MPHOSPH10: variants seen among roughly 807,000 people sequenced by gnomAD.
MPHOSPH10 encodes U3 small nucleolar ribonucleoprotein MPP10.
MPHOSPH10 carries 33 observed loss-of-function variants against 77.3 expected under a neutral mutation model. The ratio of observed to expected loss-of-function variants is 0.43; its 90% CI spans 0.32 to 0.57. The LOEUF (loss-of-function observed/expected upper bound fraction) is 0.57, where lower values mean the gene tolerates loss of function less well. Among genes scored for constraint, MPHOSPH10 ranks in the 20% least tolerant of loss-of-function variants. The pLI is 0.07. For missense variants in MPHOSPH10, 708 were observed against 780.1 expected (o/e 0.91, Z 1.10); for synonymous variants, 245 against 268.0 (o/e 0.91, Z 0.84).
rs60456435 is a variant in MPHOSPH10, at chr2:71,136,848, C to CTTTTTTTTTTTTTTTTTTTTTT, written c.1099-1625_1099-1624insTTTTTTTTTTTTTTTTTTTTTT. On this transcript the variant is annotated intron_variant, in intron 4 of 10. Coordinates refer to ENST00000244230, the MANE Select transcript of MPHOSPH10 (RefSeq NM_005791.3). ...TAAAGAATAAAGTAGAACTTTCAAC[C>CTTTTTTTTTTTTTTTTTTTTTT]TTTTTTTTTTTTTTTTTGAAACTGT... Among the ~76,000 whole-genome samples, 3 of 118,644 alleles carry CTTTTTTTTTTTTTTTTTTTTTT rather than the reference C, an allele frequency of 2.5e-5. 1 individual carries two copies. Among genetic ancestry groups the CTTTTTTTTTTTTTTTTTTTTTT allele is most frequent in the African/African-American group, 9.7e-5 (3 of 30,850 alleles). The allele number at this position is 118,644 out of a possible 152,430, so 77.8% of individuals were successfully genotyped here.
Position 71,133,846 on chromosome 2 carries a change from C to G in MPHOSPH10, c.769-102C>G, listed in dbSNP as rs1421152191. ...TTATTAGCTTGTAGTGTTATTAAGT[C>G]AGAAAGTAATATATACATACAATAT... On this transcript the variant is annotated intron_variant, in intron 2 of 10. Coordinates refer to ENST00000244230, the MANE Select transcript of MPHOSPH10 (RefSeq NM_005791.3). 4.4e-6 allele frequency: 4 copies of G among 918,192 alleles called. No individual in the cohort carries two copies. The African/African-American group carries it at 6.8e-5, about 16-fold the overall frequency. 56.9% of individuals were successfully genotyped at this position (918,192 alleles called of 1,614,324 possible).
chr2:71,130,780 G>A, intron 1 of MPHOSPH10, 26 bp downstream of exon 1: 1 of 1,586,142 alleles, frequency 6.3e-7, no homozygotes, highest in Non-Finnish European at 8.6e-7. Flanking sequence ...CCGGGCTCGG[G>A]GTGCGACCGG....
At chr2:71,147,831 C>G (rs1572901994) in intron 8 of MPHOSPH10, among the ~76,000 whole-genome samples, 168 bp from the exon 9 acceptor site, 1 of 152,150 alleles carries the variant, frequency 6.6e-6, no homozygotes, top group East Asian at 1.9e-4. Flanking sequence ...CCATATCTAA[C>G]ATTTTAAATA....
rs368531188 is a variant in MPHOSPH10, at chr2:71,132,946, T to C, written c.138T>C (p.Leu46=). 1.9e-6 allele frequency: 3 copies of C among 1,613,388 alleles called. No homozygotes were observed. The highest frequency in any genetic ancestry group is 8.5e-7 in the Non-Finnish European group (1 of 1,179,712). Residue 46 remains leucine, a synonymous_variant, in exon 2 of 11, where the codon CTT becomes CTC. Coordinates refer to ENST00000244230, the MANE Select transcript of MPHOSPH10 (RefSeq NM_005791.3). The stretch of plus-strand genomic sequence containing the variant: ...AGTTCACTTCTTTAACAAAAGTGCT[T>C]TATGACTTTAATAAAATATTAGAGA... The part of the protein sequence containing the change: ...ASKFTSLTKV[L]YDFNKILENG...
Position 71,138,625 on chromosome 2 carries a change from C to G in MPHOSPH10, c.1234C>G (p.Arg412Gly). 6.2e-7 allele frequency: 1 copy of G among 1,614,102 alleles called. No homozygotes were observed. Among genetic ancestry groups the G allele is most frequent in the Non-Finnish European group, 8.5e-7 (1 of 1,180,010 alleles). The change falls in exon 5 of 11, where the codon CGG becomes GGG. Residue 412 changes from arginine (R) to glycine (G), a missense_variant. Around this residue, in one of 3 missense-constraint regions of MPHOSPH10, gnomAD observed 263 missense variants for 320.0 expected, o/e 0.82. Coordinates refer to ENST00000244230, the MANE Select transcript of MPHOSPH10 (RefSeq NM_005791.3). ...EETLHFDHAVRMAPVITEETT... is the reference protein window; with the variant it reads ...EETLHFDHAVGMAPVITEETT... ...GACCCTACACTTTGACCATGCTGTCCGGATGGGTATGGTGCCCTCTTCTGT... is the reference window on the plus strand; with the variant it reads ...GACCCTACACTTTGACCATGCTGTCGGGATGGGTATGGTGCCCTCTTCTGT...
intron 3 of MPHOSPH10, among the ~76,000 whole-genome samples, 185 bp from the exon 4 acceptor site, chr2:71,134,441 T>C (rs1673447332): frequency 6.6e-6 from 1 of 152,210 alleles, no homozygotes; most frequent in African/African-American, 2.4e-5. Context: ...TTTTTCTGTT[T>C]CTTACATAGC....
rs564888738 is a variant in MPHOSPH10 at position 71,145,108 on chromosome 2, A to C, written c.1557+570A>C. 6.6e-5 allele frequency among the ~76,000 whole-genome samples: 10 copies of C among 151,082 alleles called. No homozygotes were observed. The South Asian group carries it at 1.2e-3, about 19-fold the overall frequency. ...CGCATGATGTTCCTTCACCAGGCCC[A>C]GCCCTCTCAAATGCTCCTCCCCTGT... On this transcript the variant is annotated intron_variant, in intron 8 of 10. Transcript: ENST00000244230.
chr2:71,141,269 A>T lies in MPHOSPH10; in HGVS notation c.1346A>T (p.Glu449Val), dbSNP rs545923359. 2 of 1,553,196 alleles carry T rather than the reference A, an allele frequency of 1.3e-6. No homozygotes were observed. The highest frequency in any genetic ancestry group is 4.9e-5 in the East Asian group (2 of 40,976). ...GTAGTACGTAAAGAAAAACCTAAAG[A>T]GGATGCATATGAATATAAAAAGCGT... ...DDVVRKEKPK[E>V]DAYEYKKRLT... is the part of the protein sequence containing the mutation. Residue 449 changes from glutamate to valine, a missense_variant, in exon 7 of 11, where the codon GAG (glutamate) becomes GTG (valine). By Grantham distance (121) the Glu-to-Val change is moderately radical. This residue lies in a region of MPHOSPH10 where 263 missense variants were observed against 320.0 expected (regional missense o/e 0.82). Coordinates refer to ENST00000244230, the MANE Select transcript of MPHOSPH10 (RefSeq NM_005791.3).
Position 71,141,305 on chromosome 2 carries a change from AC to A in MPHOSPH10, c.1384del (p.His462MetfsTer6). 1.3e-6 allele frequency: 2 copies of A among 1,574,632 alleles called. No homozygotes were observed. The highest frequency in any genetic ancestry group is 1.7e-6 in the Non-Finnish European group (2 of 1,161,740). ...AYEYKKRLTLDHEKSKLSLAE... is the reference protein window; with the variant it reads ...AYEYKKRLTLXHEKSKLSLAE... ...GAATATAAAAAGCGTTTAACCTTAG[AC>A]CATGAGAAGAGTAAATTGAGCCTTG... On this transcript the variant is annotated frameshift_variant, in exon 7 of 11. Coordinates refer to ENST00000244230, the MANE Select transcript of MPHOSPH10 (RefSeq NM_005791.3). LOFTEE classifies it high-confidence loss of function.
intron 7 of MPHOSPH10, among the ~76,000 whole-genome samples, 169 bp downstream of exon 7, chr2:71,141,538 G>A (rs1442358815): frequency 6.6e-6 from 1 of 152,176 alleles, no homozygotes; most frequent in East Asian, 1.9e-4. Flanking sequence ...TATTCCCGCT[G>A]GATGTGAGGG....
chr2:71,134,798 G>A lies in MPHOSPH10; in HGVS notation c.1098+1G>A, dbSNP rs774610000. 1.3e-6 allele frequency: 2 copies of A among 1,547,684 alleles called. No individual in the cohort carries two copies. Among genetic ancestry groups the A allele is most frequent in the Non-Finnish European group, 1.8e-6 (2 of 1,138,430 alleles). On this transcript the variant is annotated splice_donor_variant, in intron 4 of 10. Transcript: ENST00000244230. LOFTEE classifies it high-confidence loss of function. ...CTCCTTTGAAAAAAGACAGGAAAAG[G>A]TAATTAGTAATTTAAGGAATTTTTA...
chr2:71,149,328 GAGA>G lies in MPHOSPH10; in HGVS notation c.1774_1776del (p.Lys592del). On this transcript the variant is annotated inframe_deletion, in exon 10 of 11. Transcript: ENST00000244230. ...ATATCAAAAGCGTATGAAAATAAAA[GAGA>G]AGGAGAAGCGGAGAAAACTGCTTGA... 1 of 1,613,606 alleles carries G rather than the reference GAGA, an allele frequency of 6.2e-7. No individual in the cohort carries two copies. Among genetic ancestry groups the G allele is most frequent in the Middle Eastern group, 1.6e-4 (1 of 6,062 alleles).
chr2:71,142,714 A>G (rs1034453012), intron 7 of MPHOSPH10, among the ~76,000 whole-genome samples: 2 of 152,192 alleles, frequency 1.3e-5, no homozygotes, highest in African/African-American at 4.8e-5. Flanking sequence ...AGGATTTTTT[A>G]AAGTGTGAGG....
intron 1 of MPHOSPH10, chr2:71,130,960 T>G (rs1358589632): frequency 3.5e-6 from 2 of 565,460 alleles, no homozygotes; most frequent in Non-Finnish European, 6.2e-6. Context: ...AGTTGAGTGT[T>G]ACTGAAATCA....
In MPHOSPH10 at chr2:71,148,122, T is replaced by C. The variant is rs754093324; in HGVS notation, c.1665+16T>C. On this transcript the variant is annotated intron_variant, in intron 9 of 10. Transcript: ENST00000244230. ...GGAGATCAAGGTAAGAAGCCAATGT[T>C]GAAACCTTAAATGTCTGTTACAAGT... 3 of 1,591,824 alleles carry C rather than the reference T, an allele frequency of 1.9e-6. No individual in the cohort carries two copies. The East Asian group carries it at 6.7e-5, about 36-fold the overall frequency.
At chr2:71,138,728 T>C (rs771641885) in intron 5 of MPHOSPH10, 97 bp downstream of exon 5, 5 of 1,529,718 alleles carry the variant, frequency 3.3e-6, no homozygotes, top group Non-Finnish European at 4.5e-6. Context: ...CCTCAACTTT[T>C]TATTTTAAAA....
chr2:71,142,937 T>C (rs1471407289), intron 7 of MPHOSPH10, among the ~76,000 whole-genome samples: 1 of 152,148 alleles, frequency 6.6e-6, no homozygotes, highest in Non-Finnish European at 1.5e-5. Context: ...GAATAAGCAT[T>C]TGGGGCCAAA....
Position 71,133,843 on chromosome 2 carries a change from A to T in MPHOSPH10, c.769-105A>T, listed in dbSNP as rs977398. 2 of 905,488 alleles carry T rather than the reference A, an allele frequency of 2.2e-6. No individual in the cohort carries two copies. The highest frequency in any genetic ancestry group is 2.8e-5 in the East Asian group (1 of 35,694). The allele number at this position is 905,488 out of a possible 1,614,324, so 56.1% of individuals were successfully genotyped here. ...TAGTTATTAGCTTGTAGTGTTATTA[A>T]GTCAGAAAGTAATATATACATACAA... On this transcript the variant is annotated intron_variant, in intron 2 of 10. Transcript: ENST00000244230.
chr2:71,133,404 T>C lies in MPHOSPH10; in HGVS notation c.596T>C (p.Ile199Thr). ...CAGGGAAAACCAAGAGAAAAGTCCA[T>C]AGTAGATGATAAATTCTTCAAACTC... Reference protein sequence around the residue: ...KGQGKPREKSIVDDKFFKLSE... With the variant: ...KGQGKPREKSTVDDKFFKLSE... The change falls in exon 2 of 11, where the codon ATA becomes ACA. Residue 199 changes from isoleucine (I) to threonine (T), a missense_variant. Physicochemically the swap from Ile to Thr is moderately conservative, Grantham distance 89 (BLOSUM62 -1). Transcript: ENST00000244230. 1 of 1,614,004 alleles carries C rather than the reference T, an allele frequency of 6.2e-7. No individual in the cohort carries two copies. Among genetic ancestry groups the C allele is most frequent in the Non-Finnish European group, 8.5e-7 (1 of 1,179,978 alleles).
Sources: allele counts gnomAD v4.1 joint callset (sites outside exome capture counted in the v4.1 genomes callset), GRCh38; gene constraint gnomAD v4.1.1; regional missense constraint gnomAD v4.1.1; transcripts MANE v1.5; gene names NCBI Gene and HGNC (gene_info 2026-07-23, HGNC 2026-07-21).